HTT-AS: variants seen among roughly 807,000 people sequenced by gnomAD.
HTT-AS encodes HTT antisense RNA (head to head).
intron 1 of HTT-AS, among the ~76,000 whole-genome samples, chr4:3,069,150 GTT>G (rs35603397): frequency 1.4e-5 from 2 of 144,584 alleles, no homozygotes; most frequent in East Asian, 2.0e-4. Context: ...AACGGTGTAT[GTT>G]TTTTTTTTTT....
chr4:3,062,253 C>G (rs534949753), intron 2 of HTT-AS, among the ~76,000 whole-genome samples: 5 of 152,080 alleles, frequency 3.3e-5, no homozygotes, highest in Non-Finnish European at 7.4e-5. Context: ...TGGTCTAAAA[C>G]CCCTGAGCTC....
intron 1 of HTT-AS, among the ~76,000 whole-genome samples, chr4:3,071,202 G>A (rs907438376): frequency 2.6e-5 from 4 of 152,210 alleles, no homozygotes; most frequent in Non-Finnish European, 4.4e-5. Flanking sequence ...TGGAGTCACA[G>A]CAGCTCAGAC....
intron 1 of HTT-AS, among the ~76,000 whole-genome samples, chr4:3,068,456 G>C (rs535642097): frequency 2.0e-5 from 3 of 151,922 alleles, no homozygotes; most frequent in Admixed American, 1.3e-4. Context: ...AAAGATTTCC[G>C]CAATAGAAGA....
At chr4:3,067,478 A>G (rs542317393) in intron 1 of HTT-AS, among the ~76,000 whole-genome samples, 5 of 152,294 alleles carry the variant, frequency 3.3e-5, no homozygotes, top group African/African-American at 1.2e-4. Flanking sequence ...TAATGGGGAC[A>G]CTCAGAGGCA....
At chr4:3,073,225 A>G (rs188051804) in intron 1 of HTT-AS, among the ~76,000 whole-genome samples, 18 of 152,274 alleles carry the variant, frequency 1.2e-4, no homozygotes, top group African/African-American at 4.1e-4. Context: ...TGGCCTGGCT[A>G]AAGTAGGCTT....
chr4:3,069,057 A>C (rs956401453), intron 1 of HTT-AS, among the ~76,000 whole-genome samples: 1 of 152,198 alleles, frequency 6.6e-6, no homozygotes, highest in Non-Finnish European at 1.5e-5. Flanking sequence ...CTGCATAATC[A>C]AGAAGAGAAT....
chr4:3,066,090 CAG>C (rs77760116), intron 1 of HTT-AS, among the ~76,000 whole-genome samples: 10,123 of 152,236 alleles, frequency 0.066, 427 homozygotes, highest in African/African-American at 0.12. Flanking sequence ...GGTGGGAGCG[CAG>C]AGAGAGAGGC....
upstream of HTT-AS, chr4:3,074,587 G>C: frequency 2.5e-6 from 1 of 392,344 alleles, no homozygotes; most frequent in Non-Finnish European, 4.3e-6. Context: ...CCGCAGGCTA[G>C]GGCTGTCAAT....
chr4:3,073,345 T>C (rs2110126604), intron 1 of HTT-AS, among the ~76,000 whole-genome samples: 1 of 152,324 alleles, frequency 6.6e-6, no homozygotes, highest in Admixed American at 6.5e-5. Flanking sequence ...TTTGCCCCTC[T>C]ACCACCCAAA....
chr4:3,059,252 C>A (rs895416893), intron 2 of HTT-AS, among the ~76,000 whole-genome samples: 5 of 152,208 alleles, frequency 3.3e-5, no homozygotes, highest in Non-Finnish European at 5.9e-5. Context: ...AAGGCGAATT[C>A]ATCTGGCTGT....
chr4:3,051,450 C>T (rs1404296920), intron 2 of HTT-AS, among the ~76,000 whole-genome samples: 1 of 151,992 alleles, frequency 6.6e-6, no homozygotes, highest in Non-Finnish European at 1.5e-5. Flanking sequence ...AGGCTTTTGC[C>T]TGTGGTTCAA....
chr4:3,058,823 G>A (rs921754805), intron 2 of HTT-AS, among the ~76,000 whole-genome samples: 4 of 151,706 alleles, frequency 2.6e-5, no homozygotes, highest in African/African-American at 9.7e-5. Flanking sequence ...AGGTTCCAGC[G>A]ATTCTCTTGC....
intron 1 of HTT-AS, among the ~76,000 whole-genome samples, chr4:3,067,574 T>C (rs1174049183): frequency 2.0e-5 from 3 of 152,256 alleles, no homozygotes; most frequent in East Asian, 3.9e-4. Flanking sequence ...GGGAGTTCAC[T>C]AGGAGAGGGA....
At chr4:3,061,738 T>C (rs1711929847) in intron 2 of HTT-AS, among the ~76,000 whole-genome samples, 1 of 149,412 alleles carries the variant, frequency 6.7e-6, no homozygotes. Context: ...TCCCAGCACT[T>C]TGGGAAGCCG....
intron 2 of HTT-AS, among the ~76,000 whole-genome samples, chr4:3,054,425 C>A (rs756520390): frequency 8.6e-5 from 13 of 151,900 alleles, no homozygotes; most frequent in Admixed American, 1.3e-4. Context: ...GTAATTGAAA[C>A]TACTAAAAAA....
At chr4:3,049,926 AC>A (rs1711669099) in intron 2 of HTT-AS, among the ~76,000 whole-genome samples, 1 of 147,044 alleles carries the variant, frequency 6.8e-6, no homozygotes, top group Admixed American at 6.9e-5. Flanking sequence ...ACACACACAC[AC>A]ACACACACAC....
intron 1 of HTT-AS, among the ~76,000 whole-genome samples, chr4:3,074,000 C>A (rs1481623053): frequency 6.6e-6 from 1 of 151,792 alleles, no homozygotes; most frequent in Non-Finnish European, 1.5e-5. Flanking sequence ...GCGCTCGGCG[C>A]CCCCTCCACG....
At chr4:3,071,477 CTTACTTAG>C (rs1422658516) in intron 1 of HTT-AS, among the ~76,000 whole-genome samples, 1 of 152,104 alleles carries the variant, frequency 6.6e-6, no homozygotes, top group Non-Finnish European at 1.5e-5. Flanking sequence ...CTGGCTAGCA[CTTACTTAG>C]TTATATGGCC....
chr4:3,069,962 C>CCCGCGT (rs1712132748), intron 1 of HTT-AS: 1 of 152,324 alleles, frequency 6.6e-6, no homozygotes, highest in African/African-American at 2.4e-5. Context: ...CCAGCCCCAC[C>CCCGCGT]CCGCGTGCAT....
Sources: gnomAD v4.1 joint callset for allele counts (sites outside exome capture counted in the v4.1 genomes callset) on GRCh38, gnomAD v4.1.1 for gene constraint, MANE v1.5 for transcripts, NCBI Gene and HGNC (gene_info 2026-07-23, HGNC 2026-07-21) for gene names.